QKI: variants seen among roughly 807,000 people sequenced by gnomAD.
The protein encoded by QKI is KH domain-containing RNA-binding protein QKI.
In QKI, 10 loss-of-function variants were observed where a neutral mutation model predicts 39.0. The ratio of observed to expected loss-of-function variants is 0.26; its 90% CI spans 0.16 to 0.43. The LOEUF (loss-of-function observed/expected upper bound fraction) is 0.43, where lower values mean the gene tolerates loss of function less well. Ranked by LOEUF, QKI falls within the 20% of genes least tolerant of loss-of-function variation. The probability of loss-of-function intolerance (pLI) is 1.00; values close to 1 mark genes in which losing one functional copy is unlikely to be tolerated. For synonymous variants in QKI, 204 were observed against 155.4 expected (o/e 1.31, Z -2.33); for missense variants, 218 against 428.0 (o/e 0.51, Z 4.33).
At chr6:163,479,505 G>A (rs539336961) in intron 3 of QKI, among the ~76,000 whole-genome samples, 16 of 152,226 alleles carry the variant, frequency 1.1e-4, no homozygotes, top group African/African-American at 3.8e-4. Flanking sequence ...CTGAGTAGCT[G>A]GGATTACAGG....
intron 7 of QKI, chr6:163,567,574 T>C: frequency 1.0e-6 from 1 of 983,434 alleles, no homozygotes; most frequent in Non-Finnish European, 1.2e-6. Context: ...ATTTTTCTCC[T>C]TTACAACTTT....
chr6:163,566,198 G>A, intron 6 of QKI: 1 of 1,336,966 alleles, frequency 7.5e-7, no homozygotes, highest in Non-Finnish European at 9.6e-7. Context: ...TGACTGCTAA[G>A]TGTACTATAC....
At chr6:163,565,060 G>T in intron 6 of QKI, 1 of 1,076,148 alleles carries the variant, frequency 9.3e-7, no homozygotes, top group Non-Finnish European at 1.1e-6. Flanking sequence ...TTTGTTTCAT[G>T]AACAAATACA....
chr6:163,470,887 A>T (rs969734554), intron 2 of QKI, among the ~76,000 whole-genome samples: 5 of 152,064 alleles, frequency 3.3e-5, no homozygotes, highest in Admixed American at 6.6e-5. Flanking sequence ...TAAAAGGAAT[A>T]TAGTGAGAAA....
At chr6:163,434,581 G>A (rs112675819) in intron 1 of QKI, among the ~76,000 whole-genome samples, 3 of 152,140 alleles carry the variant, frequency 2.0e-5, no homozygotes, top group African/African-American at 7.2e-5. Flanking sequence ...CGGGCGTGGT[G>A]GTGGGCGCCT....
chr6:163,540,982 T>G (rs914577060), intron 4 of QKI, among the ~76,000 whole-genome samples: 7 of 152,040 alleles, frequency 4.6e-5, no homozygotes, highest in African/African-American at 1.4e-4. Context: ...CAATTTTTTT[T>G]CTGTTTTATT....
intron 1 of QKI, among the ~76,000 whole-genome samples, chr6:163,426,213 T>G (rs1788390740): frequency 6.6e-6 from 1 of 152,176 alleles, no homozygotes; most frequent in African/African-American, 2.4e-5. Context: ...TAAATCTGGT[T>G]GTTACGCCTT....
chr6:163,558,428 C>G (rs1782781640), intron 4 of QKI, among the ~76,000 whole-genome samples: 1 of 138,184 alleles, frequency 7.2e-6, no homozygotes, highest in East Asian at 2.1e-4. Context: ...TTGAGACAGT[C>G]TCGCCCTGTT....
chr6:163,484,327 G>T (rs937443893), intron 3 of QKI, among the ~76,000 whole-genome samples: 2 of 151,916 alleles, frequency 1.3e-5, no homozygotes, highest in Non-Finnish European at 2.9e-5. Context: ...AGCCTGCTGA[G>T]TAGCTGGGGT....
intron 3 of QKI, among the ~76,000 whole-genome samples, chr6:163,509,494 TA>T (rs1166465390): frequency 6.6e-6 from 1 of 151,722 alleles, no homozygotes; most frequent in Non-Finnish European, 1.5e-5. Flanking sequence ...GGGGGAATAG[TA>T]TTGTCCTGTG....
intron 1 of QKI, among the ~76,000 whole-genome samples, chr6:163,439,343 T>TG (rs1476271498): frequency 6.7e-6 from 1 of 148,378 alleles, no homozygotes; most frequent in Non-Finnish European, 1.5e-5. Flanking sequence ...TTTTTTTGTT[T>TG]TTTTTTTTTT....
At chr6:163,547,630 T>C (rs1781968432) in intron 4 of QKI, among the ~76,000 whole-genome samples, 1 of 152,148 alleles carries the variant, frequency 6.6e-6, no homozygotes. Flanking sequence ...ATCACAATTC[T>C]TCCCTTGTTT....
rs149671704 is a variant in QKI, at chr6:163,515,395, A to T, written c.403-19587A>T. 2.0e-3 allele frequency among the ~76,000 whole-genome samples: 303 copies of T among 152,164 alleles called. 2 individuals carry two copies. Among genetic ancestry groups the T allele is most frequent in the Non-Finnish European group, 2.9e-3 (197 of 67,964 alleles). On this transcript the variant is annotated intron_variant, in intron 3 of 7. Coordinates refer to ENST00000361752, the MANE Select transcript of QKI (RefSeq NM_006775.3). ...CAGTTTCTTAAGAAACTCTTGTCAC[A>T]TGTGTTTTGGAAGATGGGAATGAGG...
chr6:163,506,965 A>G (rs984261493), intron 3 of QKI, among the ~76,000 whole-genome samples: 5 of 152,190 alleles, frequency 3.3e-5, no homozygotes, highest in Non-Finnish European at 5.9e-5. Flanking sequence ...GGCCACAAGC[A>G]CATAGCTGTA....
At chr6:163,423,702 A>T (rs951144259) in intron 1 of QKI, 1 of 152,224 alleles carries the variant, frequency 6.6e-6, no homozygotes, top group African/African-American at 2.4e-5. Context: ...ATAACTTTCT[A>T]ATTAAGAGGC....
At position 163,415,150 on chromosome 6, in the gene QKI, C is replaced by G. The variant is rs1264419074; in HGVS notation, c.-44C>G. On this transcript the variant is annotated 5_prime_UTR_variant, in exon 1 of 8. Transcript: ENST00000361752. ...CCCGCCCCTCCCTCCTCTCCGGCGGCGGCGGCGGCGGCGGCGGGCGGAGTG... is the reference window on the plus strand; with the variant it reads ...CCCGCCCCTCCCTCCTCTCCGGCGGGGGCGGCGGCGGCGGCGGGCGGAGTG... 7.2e-7 allele frequency: 1 copy of G among 1,391,274 alleles called. No individual in the cohort carries two copies. The highest frequency in any genetic ancestry group is 9.5e-7 in the Non-Finnish European group (1 of 1,050,348). The allele number at this position is 1,391,274 out of a possible 1,614,324, so 86.2% of individuals were successfully genotyped here.
At chr6:163,452,586 G>T (rs187534626) in intron 1 of QKI, among the ~76,000 whole-genome samples, 4 of 152,242 alleles carry the variant, frequency 2.6e-5, no homozygotes, top group Admixed American at 1.3e-4. Context: ...GACACACTGG[G>T]TAACAGAATC....
At chr6:163,432,562 A>T (rs905699024) in intron 1 of QKI, among the ~76,000 whole-genome samples, 2 of 151,876 alleles carry the variant, frequency 1.3e-5, no homozygotes, top group Non-Finnish European at 2.9e-5. Context: ...CTGGATAATT[A>T]AAAAAAATTT....
intron 1 of QKI, among the ~76,000 whole-genome samples, chr6:163,431,634 C>T (rs935874766): frequency 2.0e-5 from 3 of 151,688 alleles, no homozygotes; most frequent in Non-Finnish European, 2.9e-5. Context: ...TCAGTAACAC[C>T]GGTTGTTTTC....
Sources: allele counts gnomAD v4.1 joint callset (sites outside exome capture counted in the v4.1 genomes callset), GRCh38; gene constraint gnomAD v4.1.1; transcripts MANE v1.5; gene names NCBI Gene and HGNC (gene_info 2026-07-23, HGNC 2026-07-21).